Variants in TBC1D30 observed in about 807,000 individuals in gnomAD.
The protein encoded by TBC1D30 is TBC1 domain family member 30.
TBC1D30 carries 31 observed loss-of-function variants against 63.2 expected under a neutral mutation model. The observed-to-expected ratio is 0.49, with a 90% CI of 0.37 to 0.66. TBC1D30 has a LOEUF of 0.66. TBC1D30 is among the 30% of genes least tolerant of loss of function. The pLI is 0.00. For missense variants in TBC1D30, 810 were observed against 953.6 expected, an observed-to-expected ratio of 0.85 and a Z score of 1.98; for synonymous variants, 307 against 361.5, an observed-to-expected ratio of 0.85 and a Z score of 1.71.
At chr12:64,874,912 G>T in intron 11 of TBC1D30, 89 bp from the exon 12 acceptor site, 1 of 1,259,452 alleles carries the variant, frequency 7.9e-7, no homozygotes, top group Non-Finnish European at 1.1e-6. Flanking sequence ...TGGTAGACGG[G>T]GCTGGGAGGA....
At chr12:64,842,584 C>T (rs1291427674) in intron 7 of TBC1D30, among the ~76,000 whole-genome samples, 1 of 152,152 alleles carries the variant, frequency 6.6e-6, no homozygotes, top group Non-Finnish European at 1.5e-5. Flanking sequence ...AAAATTCTGC[C>T]TGTGAAAACA....
In TBC1D30 at chr12:64,880,696, G is replaced by A. The variant is rs1359811933; in HGVS notation, c.*4908G>A. The A allele has an allele frequency of 6.6e-6, 1 of 152,194 alleles. No homozygotes were observed. The highest frequency in any genetic ancestry group is 1.5e-5 in the Non-Finnish European group (1 of 68,046). 9.4% of individuals were successfully genotyped at this position (152,194 alleles called of 1,614,324 possible). A position where few individuals can be genotyped will look rare whatever the true frequency, so the allele number is the denominator to read the frequency against. ...CTGGTGAGACCAAATGACCTGCAAA[G>A]TGTCACTTGATTCCATTCTCTCCAT... On this transcript the variant is annotated 3_prime_UTR_variant, in exon 12 of 12. Transcript: ENST00000539867.
chr12:64,767,805 G>T (rs373913298), intron 1 of TBC1D30, among the ~76,000 whole-genome samples: 22 of 122,236 alleles, frequency 1.8e-4, no homozygotes, highest in South Asian at 9.8e-4. Flanking sequence ...GGGGGGAGGG[G>T]GGGGAGATAG....
chr12:64,844,948 ATTC>A (rs1175684966), intron 8 of TBC1D30, among the ~76,000 whole-genome samples: 10 of 152,060 alleles, frequency 6.6e-5, no homozygotes, highest in African/African-American at 1.9e-4. Context: ...ACAGAATCTC[ATTC>A]TTCTTTTTAT....
chr12:64,785,812 T>C, intron 1 of TBC1D30: 7 of 1,184,816 alleles, frequency 5.9e-6, no homozygotes, highest in East Asian at 5.9e-5. Context: ...ATCTTTGGAC[T>C]AATATCACAC....
At chr12:64,781,210 C>T (rs1281712220) in exon 1 of TBC1D30, 3 of 1,120,420 alleles carry the variant, frequency 2.7e-6, no homozygotes, top group Non-Finnish European at 3.3e-6. Context: ...GCAGCGGTGC[C>T]GGCGACTCCC....
At chr12:64,841,587 G>GCT (rs1429850131) in intron 7 of TBC1D30, among the ~76,000 whole-genome samples, 1 of 152,148 alleles carries the variant, frequency 6.6e-6, no homozygotes, top group Non-Finnish European at 1.5e-5. Flanking sequence ...GCTCTCAGTA[G>GCT]CTCTCTTCCC....
Position 64,827,841 on chromosome 12 carries a change from A to T in TBC1D30, c.161A>T (p.Asp54Val), listed in dbSNP as rs1263149104. 6.5e-7 allele frequency: 1 copy of T among 1,533,240 alleles called. No homozygotes were observed. The highest frequency in any genetic ancestry group is 1.4e-5 in the African/African-American group (1 of 72,996). The allele number at this position is 1,533,240 out of a possible 1,614,324, so 95.0% of individuals were successfully genotyped here. The change falls in exon 2 of 12, where the codon GAT (aspartate) becomes GTT (valine). Residue 54 changes from aspartate to valine, a missense_variant. Around this residue, in one of 4 missense-constraint regions of TBC1D30, gnomAD observed 272 missense variants for 335.9 expected, o/e 0.81. Transcript: ENST00000539867. ...TTATGTATTTTTCTTTCAGGAGTTG[A>T]TACCAAGTTGAAATTCACTCTTGAG... is the stretch of plus-strand genomic sequence containing the variant. ...RLLCTLEPGV[D>V]TKLKFTLEPS... is the part of the protein sequence containing the mutation.
At chr12:64,771,257 G>T (rs1870895671) in intron 1 of TBC1D30, among the ~76,000 whole-genome samples, 1 of 151,806 alleles carries the variant, frequency 6.6e-6, no homozygotes, top group African/African-American at 2.4e-5. Flanking sequence ...GGATCACAAG[G>T]CAGGCCCATA....
intron 7 of TBC1D30, among the ~76,000 whole-genome samples, chr12:64,843,019 C>T (rs1368928451): frequency 6.6e-6 from 1 of 152,142 alleles, no homozygotes; most frequent in Non-Finnish European, 1.5e-5. Context: ...GCCCCCTGCC[C>T]TTTTTTGAGA....
rs566233918 is a variant in TBC1D30, at chr12:64,851,228, G to A, written c.1038+7743G>A. Reference sequence around the variant, plus strand: ...AATCTTTTCAAAAAACCACCTCCTGGATTCATTGATTTTTTTTGAAGGGTT... The same window carrying A: ...AATCTTTTCAAAAAACCACCTCCTGAATTCATTGATTTTTTTTGAAGGGTT... On this transcript the variant is annotated intron_variant, in intron 8 of 11. Coordinates refer to ENST00000539867, the MANE Select transcript of TBC1D30 (RefSeq NM_015279.2). Among the ~76,000 whole-genome samples, 18 of 152,120 alleles carry A rather than the reference G, an allele frequency of 1.2e-4. 1 individual carries two copies. Among genetic ancestry groups the A allele is most frequent in the African/African-American group, 2.9e-4 (12 of 41,498 alleles).
At chr12:64,809,248 C>T (rs1054279245) in intron 2 of TBC1D30, among the ~76,000 whole-genome samples, 2 of 146,130 alleles carry the variant, frequency 1.4e-5, no homozygotes, top group African/African-American at 5.0e-5. Flanking sequence ...TCCTTTGCCC[C>T]CCTCCCATTC....
chr12:64,809,271 C>G (rs2136327405), intron 2 of TBC1D30, among the ~76,000 whole-genome samples: 1 of 150,100 alleles, frequency 6.7e-6, no homozygotes, highest in African/African-American at 2.4e-5. Context: ...CCCCCCAAGT[C>G]CCCAAAGTCC....
At chr12:64,813,763 T>C (rs1167994772) in intron 2 of TBC1D30, among the ~76,000 whole-genome samples, 2 of 152,218 alleles carry the variant, frequency 1.3e-5, no homozygotes, top group African/African-American at 4.8e-5. Flanking sequence ...TGTAGTTGGA[T>C]AAAAAGTCCT....
At chr12:64,805,707 C>T (rs750713473) in intron 2 of TBC1D30, among the ~76,000 whole-genome samples, 5 of 152,040 alleles carry the variant, frequency 3.3e-5, no homozygotes, top group Non-Finnish European at 7.4e-5. Context: ...GTGGCGGGCA[C>T]CTGTAGTCCC....
rs533685700 is a variant in TBC1D30 at position 64,875,148 on chromosome 12, T to C, written c.1646T>C (p.Ile549Thr). 2 of 1,536,136 alleles carry C rather than the reference T, an allele frequency of 1.3e-6. No individual in the cohort carries two copies. The highest frequency in any genetic ancestry group is 2.0e-5 in the Admixed American group (1 of 50,982). Reference sequence around the variant, plus strand: ...ATCCCTGGTCACACAGGAGGGAAAATATCTCCTGTCCCCTACGAAGACCTT... The same window carrying C: ...ATCCCTGGTCACACAGGAGGGAAAACATCTCCTGTCCCCTACGAAGACCTT... Reference protein sequence around the residue: ...IHIPGHTGGKISPVPYEDLKT... With the variant: ...IHIPGHTGGKTSPVPYEDLKT... Residue 549 changes from isoleucine (I) to threonine (T), a missense_variant, in exon 12 of 12, where the codon ATA becomes ACA. This residue lies in a region of TBC1D30 where 450 missense variants were observed against 473.0 expected (regional missense o/e 0.95). Coordinates refer to ENST00000539867, the MANE Select transcript of TBC1D30 (RefSeq NM_015279.2).
intron 5 of TBC1D30, 137 bp downstream of exon 5, chr12:64,832,441 C>T (rs778013878): frequency 3.5e-6 from 3 of 855,262 alleles, no homozygotes; most frequent in Non-Finnish European, 5.2e-6. Flanking sequence ...GATAGCATTT[C>T]CTCCAGGTTA....
intron 4 of TBC1D30, 48 bp from the exon 5 acceptor site, chr12:64,832,071 A>C (rs1874916644): frequency 2.1e-6 from 3 of 1,433,380 alleles, no homozygotes; most frequent in Non-Finnish European, 2.8e-6. Context: ...TTGTTTTGGA[A>C]AGAATATTAG....
chr12:64,776,211 G>T (rs1315589403), upstream of TBC1D30, among the ~76,000 whole-genome samples: 1 of 152,026 alleles, frequency 6.6e-6, no homozygotes, highest in Non-Finnish European at 1.5e-5. Context: ...AACAAATAGA[G>T]AAGCAAGAGC....
Sources: allele counts gnomAD v4.1 joint callset (sites outside exome capture counted in the v4.1 genomes callset), GRCh38; gene constraint gnomAD v4.1.1; regional missense constraint gnomAD v4.1.1; transcripts MANE v1.5; gene names NCBI Gene and HGNC (gene_info 2026-07-23, HGNC 2026-07-21).